The following NALCN variants were observed in gnomAD, a reference collection of about 807,000 sequenced individuals.
NALCN encodes sodium leak channel NALCN.
A neutral mutation model predicts 225.3 loss-of-function variants in NALCN; 111 were observed. The ratio of observed to expected loss-of-function variants is 0.49; its 90% CI spans 0.42 to 0.58. NALCN has a LOEUF of 0.58. Among genes scored for constraint, NALCN ranks in the 20% least tolerant of loss-of-function variants. The probability of loss-of-function intolerance (pLI) is 0.00; values close to 1 mark genes in which losing one functional copy is unlikely to be tolerated. For missense variants in NALCN, 1,378 were observed against 2,202.4 expected (o/e 0.63, Z 7.49); for synonymous variants, 764 against 769.0 (o/e 0.99, Z 0.11).
intron 1 of NALCN, among the ~76,000 whole-genome samples, chr13:101,399,886 C>T (rs1458592769): frequency 1.3e-5 from 2 of 152,160 alleles, no homozygotes; most frequent in African/African-American, 4.8e-5. Flanking sequence ...TACTGCCTTC[C>T]ACAACTCAGC....
intron 14 of NALCN, among the ~76,000 whole-genome samples, chr13:101,189,354 T>C (rs555408464): frequency 1.3e-5 from 2 of 152,256 alleles, no homozygotes; most frequent in South Asian, 2.1e-4. Flanking sequence ...ATTAAAAATA[T>C]CTGAACATAA....
intron 37 of NALCN, among the ~76,000 whole-genome samples, chr13:101,071,962 G>C (rs2032920974): frequency 6.6e-6 from 1 of 152,152 alleles, no homozygotes; most frequent in Non-Finnish European, 1.5e-5. Context: ...AGGACATAGG[G>C]AGGCCCAAGA....
intron 25 of NALCN, among the ~76,000 whole-genome samples, chr13:101,103,927 G>A (rs1446662245): frequency 6.6e-6 from 1 of 152,100 alleles, no homozygotes; most frequent in African/African-American, 2.4e-5. Flanking sequence ...GCAATAAGGG[G>A]CTCATAATCA....
chr13:101,324,260 A>G (rs1036566066), intron 7 of NALCN, among the ~76,000 whole-genome samples: 1 of 152,212 alleles, frequency 6.6e-6, no homozygotes, highest in Admixed American at 6.5e-5. Flanking sequence ...ACTGTGCAAC[A>G]AGTATTTAAC....
At chr13:101,134,923 G>C (rs1386573406) in intron 17 of NALCN, among the ~76,000 whole-genome samples, 1 of 152,154 alleles carries the variant, frequency 6.6e-6, no homozygotes, top group Non-Finnish European at 1.5e-5. Context: ...GCCCGGGTGC[G>C]GAGACTCACG....
intron 14 of NALCN, among the ~76,000 whole-genome samples, chr13:101,191,324 A>G (rs1449864899): frequency 6.6e-6 from 1 of 152,218 alleles, no homozygotes; most frequent in African/African-American, 2.4e-5. Context: ...TATTGAAGAG[A>G]AAAATCTGCT....
At chr13:101,392,878 T>C (rs2047184552) in intron 3 of NALCN, among the ~76,000 whole-genome samples, 1 of 152,096 alleles carries the variant, frequency 6.6e-6, no homozygotes, top group Non-Finnish European at 1.5e-5. Context: ...AAAGAACAAG[T>C]TAGAACATGT....
At chr13:101,081,853 C>G (rs2033670900) in intron 33 of NALCN, among the ~76,000 whole-genome samples, 1 of 152,110 alleles carries the variant, frequency 6.6e-6, no homozygotes, top group Non-Finnish European at 1.5e-5. Flanking sequence ...CGTGCCTACA[C>G]TATCTATCTG....
chr13:101,248,729 C>T (rs902993749), intron 11 of NALCN, among the ~76,000 whole-genome samples: 3 of 152,222 alleles, frequency 2.0e-5, no homozygotes, highest in Admixed American at 2.0e-4. Flanking sequence ...ACATGTAGGA[C>T]TCTCCAGACC....
intron 28 of NALCN, among the ~76,000 whole-genome samples, chr13:101,094,407 T>G (rs1242055553): frequency 6.6e-6 from 1 of 152,192 alleles, no homozygotes; most frequent in East Asian, 1.9e-4. Flanking sequence ...AATGCCCCAG[T>G]GTTCTCTATT....
intron 13 of NALCN, among the ~76,000 whole-genome samples, chr13:101,212,439 T>C (rs1034354351): frequency 1.3e-5 from 2 of 152,194 alleles, no homozygotes; most frequent in African/African-American, 2.4e-5. Context: ...TTATGTGTTC[T>C]ACTATGGGAT....
At chr13:101,304,089 G>A (rs569341159) in intron 7 of NALCN, among the ~76,000 whole-genome samples, 27 of 152,174 alleles carry the variant, frequency 1.8e-4, no homozygotes, top group South Asian at 1.0e-3. Flanking sequence ...GTAGGTGTTC[G>A]TCTTACAAAT....
chr13:101,175,156 C>T (rs1594366335), intron 15 of NALCN, among the ~76,000 whole-genome samples: 1 of 152,140 alleles, frequency 6.6e-6, no homozygotes, highest in East Asian at 1.9e-4. Flanking sequence ...CGGGAAGATG[C>T]CCATTTGCCT....
chr13:101,228,785 CTGG>C (rs2041242386), intron 13 of NALCN, among the ~76,000 whole-genome samples: 1 of 152,062 alleles, frequency 6.6e-6, no homozygotes, highest in Non-Finnish European at 1.5e-5. Context: ...CATTATTTGT[CTGG>C]TCATTGTATT....
intron 15 of NALCN, among the ~76,000 whole-genome samples, chr13:101,157,046 T>G (rs1469827189): frequency 6.6e-6 from 1 of 152,230 alleles, no homozygotes. Flanking sequence ...AGGGATAACA[T>G]TAAAGAAAAT....
intron 17 of NALCN, among the ~76,000 whole-genome samples, chr13:101,136,843 T>C (rs1054912492): frequency 2.6e-5 from 4 of 152,198 alleles, no homozygotes; most frequent in Non-Finnish European, 1.5e-5. Flanking sequence ...CTGGGTCAAA[T>C]GTATTTCTAG....
At chr13:101,352,136 T>C (rs1431640508) in intron 6 of NALCN, among the ~76,000 whole-genome samples, 5 of 152,072 alleles carry the variant, frequency 3.3e-5, no homozygotes, top group African/African-American at 7.2e-5. Flanking sequence ...GGAATGGAGA[T>C]GAATAAAAGG....
intron 10 of NALCN, among the ~76,000 whole-genome samples, chr13:101,277,886 G>A (rs1317409778): frequency 6.6e-6 from 1 of 152,204 alleles, no homozygotes. Context: ...CTCTGCCTCT[G>A]CTCATGTGGC....
At chr13:101,307,512 T>C (rs2044192630) in intron 7 of NALCN, among the ~76,000 whole-genome samples, 1 of 152,234 alleles carries the variant, frequency 6.6e-6, no homozygotes, top group Admixed American at 6.5e-5. Flanking sequence ...TTCCAATGAA[T>C]CCGTGCTCGC....
Sources: gnomAD v4.1 joint callset for allele counts (sites outside exome capture counted in the v4.1 genomes callset) on GRCh38, gnomAD v4.1.1 for gene constraint, MANE v1.5 for transcripts, NCBI Gene and HGNC (gene_info 2026-07-23, HGNC 2026-07-21) for gene names.